Variants in LRRC4C observed in about 807,000 individuals in gnomAD.
LRRC4C encodes leucine rich repeat containing 4C.
In LRRC4C, 5 loss-of-function variants were observed where a neutral mutation model predicts 33.6. The ratio of observed to expected loss-of-function variants is 0.15; its 90% CI spans 0.08 to 0.31. The LOEUF (loss-of-function observed/expected upper bound fraction) is 0.31. LRRC4C is among the 10% of genes least tolerant of loss of function. The probability of loss-of-function intolerance (pLI) is 1.00; values close to 1 mark genes in which losing one functional copy is unlikely to be tolerated. For synonymous variants in LRRC4C, 329 were observed against 302.0 expected (o/e 1.09, Z -0.93); for missense variants, 560 against 796.7 (o/e 0.70, Z 3.58).
intron 3 of LRRC4C, among the ~76,000 whole-genome samples, chr11:40,486,695 A>G (rs61886188): frequency 6.6e-6 from 1 of 152,050 alleles, no homozygotes; most frequent in African/African-American, 2.4e-5. Flanking sequence ...CTTATTTCCA[A>G]CCTTTCAATT....
chr11:40,562,738 A>G (rs1386065682), intron 3 of LRRC4C, among the ~76,000 whole-genome samples: 1 of 152,198 alleles, frequency 6.6e-6, no homozygotes. Flanking sequence ...TGCAGAGTTC[A>G]CACTGACTAT....
chr11:40,373,637 G>C (rs576450294), intron 3 of LRRC4C, among the ~76,000 whole-genome samples: 12 of 152,138 alleles, frequency 7.9e-5, no homozygotes, highest in Non-Finnish European at 1.6e-4. Context: ...GCCTGGAGGG[G>C]ATGGTGATTC....
chr11:41,403,916 G>A (rs1296538493), intron 1 of LRRC4C, among the ~76,000 whole-genome samples: 3 of 151,644 alleles, frequency 2.0e-5, no homozygotes, highest in East Asian at 3.9e-4. Context: ...GGCAAAAAAC[G>A]TGCACTTATA....
At chr11:40,851,631 C>T (rs1191758356) in intron 2 of LRRC4C, among the ~76,000 whole-genome samples, 2 of 152,002 alleles carry the variant, frequency 1.3e-5, no homozygotes, top group Admixed American at 1.3e-4. Context: ...CAAATGAAAA[C>T]AGCCAAAAGG....
At chr11:41,207,639 C>A (rs556338739) in intron 1 of LRRC4C, among the ~76,000 whole-genome samples, 4 of 152,158 alleles carry the variant, frequency 2.6e-5, no homozygotes, top group Non-Finnish European at 4.4e-5. Flanking sequence ...CTTGATTTTT[C>A]TCTGTGCATG....
At chr11:41,174,604 C>G (rs558130523) in intron 1 of LRRC4C, among the ~76,000 whole-genome samples, 1 of 152,044 alleles carries the variant, frequency 6.6e-6, no homozygotes, top group South Asian at 2.1e-4. Context: ...TTGCAATTTT[C>G]TGTCATCATG....
intron 5 of LRRC4C, among the ~76,000 whole-genome samples, chr11:40,187,903 C>T (rs866334370): frequency 1.3e-5 from 2 of 151,702 alleles, no homozygotes; most frequent in South Asian, 2.1e-4. Context: ...GTGTGGGGGT[C>T]GGGGAAAGAG....
intron 1 of LRRC4C, among the ~76,000 whole-genome samples, chr11:41,031,561 T>C (rs1413803112): frequency 6.6e-6 from 1 of 152,028 alleles, no homozygotes; most frequent in African/African-American, 2.4e-5. Context: ...TCTAATGTTA[T>C]AACTCAGGTC....
intron 1 of LRRC4C, among the ~76,000 whole-genome samples, chr11:40,971,103 C>A (rs1296719551): frequency 6.6e-6 from 1 of 152,186 alleles, no homozygotes; most frequent in Non-Finnish European, 1.5e-5. Flanking sequence ...AACTCAGTTT[C>A]TGGAGAAGAA....
intron 5 of LRRC4C, among the ~76,000 whole-genome samples, chr11:40,158,353 A>G (rs1858879191): frequency 6.6e-6 from 1 of 152,118 alleles, no homozygotes; most frequent in African/African-American, 2.4e-5. Context: ...AATCTCACAA[A>G]TACCACTAAA....
chr11:40,299,216 C>T lies in LRRC4C; in HGVS notation c.-176+20412G>A, dbSNP rs534241316. Among the ~76,000 whole-genome samples the T allele has an allele frequency of 3.9e-5, 6 of 152,294 alleles. No individual in the cohort carries two copies. The South Asian group carries it at 6.2e-4, about 16-fold the overall frequency. On this transcript the variant is annotated intron_variant, in intron 4 of 6. Transcript: ENST00000528697. ...ACATATGCATAATGATCCTCAATTACGTGCCAAGCATTATGGAAGTCATCA... is the reference window on the plus strand; with the variant it reads ...ACATATGCATAATGATCCTCAATTATGTGCCAAGCATTATGGAAGTCATCA...
chr11:41,051,306 C>T (rs995986), intron 1 of LRRC4C, among the ~76,000 whole-genome samples: 53,325 of 151,792 alleles, frequency 0.35, 10,623 homozygotes, highest in South Asian at 0.45. Flanking sequence ...AAGAGGTGAA[C>T]GATGAATACA....
rs189952386 is a variant in LRRC4C at position 40,915,482 on chromosome 11, T to C, written c.-407+18153A>G. On this transcript the variant is annotated intron_variant, in intron 2 of 6. Transcript: ENST00000528697. ...ATTTAATAAATGGTGCTGGGAAAAC[T>C]GGCTAGCCATATGTAGAAAGCTGAA... 4.7e-3 allele frequency among the ~76,000 whole-genome samples: 710 copies of C among 152,314 alleles called. 1 individual carries two copies. The highest frequency in any genetic ancestry group is 8.0e-3 in the Non-Finnish European group (545 of 68,026).
intron 5 of LRRC4C, among the ~76,000 whole-genome samples, chr11:40,207,392 G>A (rs1863239080): frequency 6.6e-6 from 1 of 152,078 alleles, no homozygotes; most frequent in Admixed American, 6.6e-5. Flanking sequence ...GAGGCCCAGA[G>A]TTCAAAACCA....
chr11:40,951,496 A>G (rs1958689167), intron 1 of LRRC4C, among the ~76,000 whole-genome samples: 1 of 152,086 alleles, frequency 6.6e-6, no homozygotes, highest in Non-Finnish European at 1.5e-5. Context: ...AAGTAGGTCA[A>G]CAGTGTGACT....
chr11:41,289,052 TA>T (rs1949918007), intron 1 of LRRC4C, among the ~76,000 whole-genome samples: 1 of 152,178 alleles, frequency 6.6e-6, no homozygotes, highest in East Asian at 1.9e-4. Flanking sequence ...CCTCATAATA[TA>T]ACCTAATCAC....
chr11:40,422,599 A>G (rs1478376788), intron 3 of LRRC4C, among the ~76,000 whole-genome samples: 2 of 152,272 alleles, frequency 1.3e-5, no homozygotes, highest in Non-Finnish European at 2.9e-5. Context: ...GGTGAATAAC[A>G]GAGTTTTGCT....
chr11:40,606,872 T>G (rs902409614), intron 3 of LRRC4C, among the ~76,000 whole-genome samples: 3 of 152,034 alleles, frequency 2.0e-5, no homozygotes, highest in Admixed American at 2.0e-4. Flanking sequence ...AGATTCCAAC[T>G]AACATTGAAC....
chr11:41,001,342 C>T (rs1354640288), intron 1 of LRRC4C, among the ~76,000 whole-genome samples: 2 of 152,090 alleles, frequency 1.3e-5, no homozygotes, highest in African/African-American at 2.4e-5. Flanking sequence ...AGACCATTGC[C>T]ATAAATCAGT....
Sources: gnomAD v4.1 joint callset for allele counts (sites outside exome capture counted in the v4.1 genomes callset) on GRCh38, gnomAD v4.1.1 for gene constraint, MANE v1.5 for transcripts, NCBI Gene and HGNC (gene_info 2026-07-23, HGNC 2026-07-21) for gene names.